PDE4B: variants seen among roughly 807,000 people sequenced by gnomAD.
The protein encoded by PDE4B is phosphodiesterase 4B.
A neutral mutation model predicts 82.2 loss-of-function variants in PDE4B; 20 were observed. That is an observed-to-expected ratio of 0.24 (90% CI 0.17 to 0.35). PDE4B has a LOEUF of 0.35. Ranked by LOEUF, PDE4B falls within the 10% of genes least tolerant of loss-of-function variation. The pLI is 1.00. For synonymous variants in PDE4B, 320 were observed against 318.9 expected, an observed-to-expected ratio of 1.00 and a Z score of -0.04; for missense variants, 655 against 907.2, an observed-to-expected ratio of 0.72 and a Z score of 3.57.
Position 65,918,598 on chromosome 1 carries a change from A to G in PDE4B, c.44A>G (p.Asn15Ser), listed in dbSNP as rs774557604. ...TTTCTTTCCCTGTGGTTCCTCCAGA[A>G]TGTTAAAGATTATTTTGAATGTAGC... is the stretch of plus-strand genomic sequence containing the variant. Reference protein sequence around the residue: ...RSVMTVMADDNVKDYFECSLS... With the variant: ...RSVMTVMADDSVKDYFECSLS... Residue 15 changes from asparagine to serine, a missense_variant and splice_region_variant, in exon 3 of 17, where the codon AAT becomes AGT. Physicochemically the swap from Asn to Ser is conservative, Grantham distance 46 (BLOSUM62 1). Transcript: ENST00000341517. 6.4e-7 allele frequency: 1 copy of G among 1,552,840 alleles called. No individual in the cohort carries two copies. The highest frequency in any genetic ancestry group is 1.1e-5 in the South Asian group (1 of 89,736).
intron 3 of PDE4B, among the ~76,000 whole-genome samples, chr1:65,921,651 C>G (rs1227937520): frequency 6.6e-6 from 1 of 152,178 alleles, no homozygotes; most frequent in Non-Finnish European, 1.5e-5. Flanking sequence ...GGAGCCATAG[C>G]CAATGTGTAA....
chr1:65,928,690 C>A (rs1038072720), intron 3 of PDE4B, among the ~76,000 whole-genome samples: 3 of 152,110 alleles, frequency 2.0e-5, no homozygotes, highest in Non-Finnish European at 2.9e-5. Flanking sequence ...TCTTCTGGAC[C>A]CTCCCAGCTG....
At chr1:66,217,360 A>T (rs984891515) in intron 3 of PDE4B, among the ~76,000 whole-genome samples, 1 of 152,158 alleles carries the variant, frequency 6.6e-6, no homozygotes, top group African/African-American at 2.4e-5. Flanking sequence ...GGAAGTGGTC[A>T]CTACTGCTAG....
At position 65,861,813 on chromosome 1, in the gene PDE4B, G is replaced by A. The variant is rs556040886; in HGVS notation, c.-70-51432G>A. Among the ~76,000 whole-genome samples the A allele has an allele frequency of 3.9e-5, 6 of 152,204 alleles. No individual in the cohort carries two copies. The East Asian group carries it at 1.2e-3, about 29-fold the overall frequency. On this transcript the variant is annotated intron_variant, in intron 1 of 16. Coordinates refer to ENST00000341517, the MANE Select transcript of PDE4B (RefSeq NM_002600.4). ...GTATTTTATTCTCTTTGTAGCAATTGTGAATGGGAGTTCACTCATGATTTG... is the reference window on the plus strand; with the variant it reads ...GTATTTTATTCTCTTTGTAGCAATTATGAATGGGAGTTCACTCATGATTTG...
chr1:65,942,561 G>T (rs528713357), intron 3 of PDE4B, among the ~76,000 whole-genome samples: 4 of 151,838 alleles, frequency 2.6e-5, no homozygotes, highest in South Asian at 2.1e-4. Flanking sequence ...AGATTTCTGG[G>T]TCATATGGTA....
At chr1:65,995,644 A>G (rs1053255581) in intron 3 of PDE4B, among the ~76,000 whole-genome samples, 2 of 152,222 alleles carry the variant, frequency 1.3e-5, no homozygotes, top group Non-Finnish European at 2.9e-5. Context: ...TGGTTATATG[A>G]GGAAATAAGA....
At chr1:66,203,555 C>CT (rs1410323970) in intron 3 of PDE4B, among the ~76,000 whole-genome samples, 1 of 151,984 alleles carries the variant, frequency 6.6e-6, no homozygotes, top group Non-Finnish European at 1.5e-5. Flanking sequence ...TCTTTTTATT[C>CT]TTTTTTTCTC....
intron 3 of PDE4B, among the ~76,000 whole-genome samples, chr1:66,115,198 T>C (rs1235109006): frequency 1.3e-5 from 2 of 152,238 alleles, no homozygotes; most frequent in Non-Finnish European, 2.9e-5. Flanking sequence ...TAATTTAAAC[T>C]ACTGACCTAC....
intron 3 of PDE4B, chr1:65,992,729 C>G (rs1651313051): frequency 1.5e-6 from 2 of 1,350,520 alleles, no homozygotes; most frequent in Non-Finnish European, 1.9e-6. Context: ...GACAGCCTGA[C>G]TTGCTATTCT....
At chr1:66,306,192 G>A (rs921201975) in intron 7 of PDE4B, among the ~76,000 whole-genome samples, 1 of 152,160 alleles carries the variant, frequency 6.6e-6, no homozygotes, top group Non-Finnish European at 1.5e-5. Context: ...TGAGATGTTA[G>A]ACCTGGGTTT....
chr1:66,312,692 G>A (rs1037289965), intron 7 of PDE4B, among the ~76,000 whole-genome samples: 1 of 152,182 alleles, frequency 6.6e-6, no homozygotes, highest in African/African-American at 2.4e-5. Context: ...AGTGATTTCA[G>A]GATCTCAAAA....
At chr1:66,341,352 C>A (rs1660967338) in intron 8 of PDE4B, among the ~76,000 whole-genome samples, 1 of 152,224 alleles carries the variant, frequency 6.6e-6, no homozygotes, top group South Asian at 2.1e-4. Context: ...TTGAGAAAGA[C>A]ATGGGACATT....
intron 3 of PDE4B, among the ~76,000 whole-genome samples, chr1:66,164,554 A>G (rs1186254707): frequency 1.4e-5 from 2 of 147,090 alleles, no homozygotes; most frequent in East Asian, 1.9e-4. Context: ...AAAAAAAAAA[A>G]AAAAAAAAGA....
chr1:66,152,546 C>T (rs1461144708), intron 3 of PDE4B: 2 of 294,230 alleles, frequency 6.8e-6, no homozygotes, highest in African/African-American at 2.1e-5. Context: ...TGTATATGTA[C>T]ATATATATAA....
rs1557558033 is a variant in PDE4B at position 66,096,541 on chromosome 1, T to TATATATATATATATAC, written c.282-150918_282-150917insTATATATATATATACA. ...ATATATATATATATATATATATATA[T>TATATATATATATATAC]ACTGCATTTCAAAGGCTTAGTATAA... On this transcript the variant is annotated intron_variant, in intron 3 of 16. Transcript: ENST00000341517. Among the ~76,000 whole-genome samples, 4 of 144,632 alleles carry TATATATATATATATAC rather than the reference T, an allele frequency of 2.8e-5. No individual in the cohort carries two copies. The Admixed American group carries it at 2.8e-4, about 10-fold the overall frequency. The allele number at this position is 144,632 out of a possible 152,430, so 94.9% of individuals were successfully genotyped here.
At chr1:65,853,032 C>A (rs1646348790) in intron 1 of PDE4B, among the ~76,000 whole-genome samples, 2 of 152,056 alleles carry the variant, frequency 1.3e-5, no homozygotes, top group East Asian at 3.9e-4. Flanking sequence ...TTCAGTTCTG[C>A]CAGTTTTTGC....
At chr1:65,871,070 A>G (rs1296348487) in intron 1 of PDE4B, among the ~76,000 whole-genome samples, 3 of 152,192 alleles carry the variant, frequency 2.0e-5, no homozygotes, top group Non-Finnish European at 4.4e-5. Context: ...ACAGGGGATG[A>G]TGACAGGGAC....
chr1:66,115,079 C>A (rs970018821), intron 3 of PDE4B, among the ~76,000 whole-genome samples: 1 of 152,110 alleles, frequency 6.6e-6, no homozygotes, highest in Admixed American at 6.6e-5. Context: ...TCCATAATTT[C>A]CCTTTGTTGA....
At chr1:66,293,941 C>T (rs890588064) in intron 7 of PDE4B, among the ~76,000 whole-genome samples, 10 of 152,166 alleles carry the variant, frequency 6.6e-5, no homozygotes, top group African/African-American at 2.4e-4. Flanking sequence ...CATGGTGGCT[C>T]ATGCCTGTAA....
Sources: allele counts gnomAD v4.1 joint callset (sites outside exome capture counted in the v4.1 genomes callset), GRCh38; gene constraint gnomAD v4.1.1; transcripts MANE v1.5; gene names NCBI Gene and HGNC (gene_info 2026-07-23, HGNC 2026-07-21).